Variants in DNAH11 observed in about 807,000 individuals in gnomAD.
DNAH11 encodes the protein dynein axonemal heavy chain 11.
DNAH11 carries 442 observed loss-of-function variants against 526.0 expected under a neutral mutation model. The ratio of observed to expected loss-of-function variants is 0.84; its 90% confidence interval spans 0.78 to 0.91. The LOEUF is 0.91. DNAH11 is among the 40% of genes least tolerant of loss of function. DNAH11 has a pLI of 0.00. For synonymous variants in DNAH11, 2,461 were observed against 1,935.9 expected (o/e 1.27, Z -7.12); for missense variants, 6,989 against 5,448.7 (o/e 1.28, Z -8.90).
chr7:21,895,716 A>G (rs1218842462), intron 79 of DNAH11, among the ~76,000 whole-genome samples: 1 of 152,016 alleles, frequency 6.6e-6, no homozygotes, highest in African/African-American at 2.4e-5. Flanking sequence ...TTTACATTGT[A>G]GCATGCACAC....
chr7:21,616,002 CATA>C (rs1785760503), intron 21 of DNAH11, among the ~76,000 whole-genome samples: 3 of 152,134 alleles, frequency 2.0e-5, no homozygotes, highest in Admixed American at 2.0e-4. Flanking sequence ...ATTAATATAT[CATA>C]ATGTTTTAGC....
intron 45 of DNAH11, among the ~76,000 whole-genome samples, chr7:21,729,632 A>T (rs1027609151): frequency 6.6e-6 from 1 of 152,212 alleles, no homozygotes; most frequent in Non-Finnish European, 1.5e-5. Flanking sequence ...TACACAGAAC[A>T]CTAGAATGCA....
chr7:21,718,812 C>G (rs1404786074), intron 43 of DNAH11, among the ~76,000 whole-genome samples: 1 of 152,062 alleles, frequency 6.6e-6, no homozygotes, highest in East Asian at 1.9e-4. Context: ...TTGTTTGACG[C>G]AAAATTAGAA....
At chr7:21,604,533 C>T (rs193023779) in intron 18 of DNAH11, among the ~76,000 whole-genome samples, 2 of 152,172 alleles carry the variant, frequency 1.3e-5, no homozygotes, top group African/African-American at 4.8e-5. Flanking sequence ...TATTGGTCGT[C>T]ATACCTCAAG....
chr7:21,652,487 C>T (rs1436811626), intron 28 of DNAH11, among the ~76,000 whole-genome samples: 1 of 152,196 alleles, frequency 6.6e-6, no homozygotes, highest in Non-Finnish European at 1.5e-5. Flanking sequence ...CTTAAGTTTT[C>T]TGCAACGAAG....
intron 79 of DNAH11, among the ~76,000 whole-genome samples, chr7:21,897,634 TTGA>T (rs1337950526): frequency 2.6e-5 from 4 of 152,212 alleles, no homozygotes; most frequent in Non-Finnish European, 5.9e-5. Flanking sequence ...CACTTTTTTT[TTGA>T]GAGATTCTCA....
chr7:21,742,466 A>G (rs529617528), intron 49 of DNAH11, among the ~76,000 whole-genome samples: 1 of 152,210 alleles, frequency 6.6e-6, no homozygotes, highest in African/African-American at 2.4e-5. Flanking sequence ...AAACTTTTAA[A>G]CAACCAGATC....
rs28549882 is a variant in DNAH11 at position 21,744,471 on chromosome 7, G to T, written c.8188G>T (p.Gly2730Cys). The change falls in exon 50 of 82, where the codon GGT becomes TGT. Residue 2730 changes from glycine (G) to cysteine (C), a missense_variant. Physicochemically the swap from Gly to Cys is radical, Grantham distance 159. Transcript: ENST00000409508. ...ILFASPECLK[G>C]PLDLIHLWLH... ...ATTTGCTTCTCCTGAGTGTTTAAAA[G>T]GTCCACTTGATTTAATACATCTGTG... 1.4e-3 allele frequency: 2,187 copies of T among 1,613,728 alleles called. 26 individuals are homozygous for T. The African/African-American group carries it at 0.027, about 20-fold the overall frequency.
At chr7:21,572,325 T>C (rs1259117518) in intron 8 of DNAH11, among the ~76,000 whole-genome samples, 1 of 152,246 alleles carries the variant, frequency 6.6e-6, no homozygotes, top group Non-Finnish European at 1.5e-5. Context: ...CTGGATGTTT[T>C]GTTTTTTGAT....
chr7:21,829,736 C>G (rs540648647), intron 65 of DNAH11, among the ~76,000 whole-genome samples: 6 of 152,102 alleles, frequency 3.9e-5, no homozygotes, highest in African/African-American at 1.4e-4. Context: ...GGGCATCATT[C>G]GTTTTCAGAT....
chr7:21,869,651 A>G (rs1783422544), intron 73 of DNAH11, among the ~76,000 whole-genome samples: 1 of 152,202 alleles, frequency 6.6e-6, no homozygotes, highest in Non-Finnish European at 1.5e-5. Flanking sequence ...CATTCTCCCA[A>G]TGCACAGGCA....
At chr7:21,686,872 C>T (rs1783397179) in intron 32 of DNAH11, among the ~76,000 whole-genome samples, 1 of 152,028 alleles carries the variant, frequency 6.6e-6, no homozygotes, top group South Asian at 2.1e-4. Context: ...GATCAATAAA[C>T]AAAGAAATAC....
At chr7:21,772,179 C>T (rs1210289474) in intron 55 of DNAH11, among the ~76,000 whole-genome samples, 1 of 152,150 alleles carries the variant, frequency 6.6e-6, no homozygotes, top group South Asian at 2.1e-4. Context: ...AGTTATTTTG[C>T]CCCATTGAGA....
chr7:21,611,245 A>C (rs1785511605), intron 20 of DNAH11, among the ~76,000 whole-genome samples: 1 of 152,114 alleles, frequency 6.6e-6, no homozygotes, highest in African/African-American at 2.4e-5. Flanking sequence ...GTGTCCCTGG[A>C]CTTTGGACTC....
At chr7:21,604,628 A>T (rs541071001) in intron 18 of DNAH11, among the ~76,000 whole-genome samples, 2 of 152,170 alleles carry the variant, frequency 1.3e-5, no homozygotes, top group African/African-American at 4.8e-5. Context: ...TGAGTGGATC[A>T]TCTGACTTTG....
chr7:21,891,505 T>A (rs2128047112), intron 76 of DNAH11, among the ~76,000 whole-genome samples: 1 of 152,332 alleles, frequency 6.6e-6, no homozygotes, highest in East Asian at 1.9e-4. Context: ...AGCACTTGAT[T>A]GACTCTGTGT....
intron 30 of DNAH11, among the ~76,000 whole-genome samples, chr7:21,679,122 A>G (rs543156008): frequency 3.5e-4 from 54 of 152,320 alleles, no homozygotes; most frequent in African/African-American, 1.3e-3. Flanking sequence ...GCATTATTCT[A>G]TGTGAAATAA....
intron 45 of DNAH11, among the ~76,000 whole-genome samples, chr7:21,732,139 A>G (rs1371189564): frequency 1.3e-5 from 2 of 152,206 alleles, no homozygotes; most frequent in African/African-American, 2.4e-5. Flanking sequence ...CAGACTGGGC[A>G]ACTTCAACCA....
intron 18 of DNAH11, among the ~76,000 whole-genome samples, chr7:21,603,413 G>A (rs1785166628): frequency 6.6e-6 from 1 of 152,078 alleles, no homozygotes; most frequent in South Asian, 2.1e-4. Context: ...ATTCTTTTCA[G>A]TACACCTAGG....
Sources: allele counts gnomAD v4.1 joint callset (sites outside exome capture counted in the v4.1 genomes callset), GRCh38; gene constraint gnomAD v4.1.1; transcripts MANE v1.5; gene names NCBI Gene and HGNC (gene_info 2026-07-23, HGNC 2026-07-21).